Variants in CDH18 observed in about 807,000 individuals in gnomAD.
CDH18 encodes the protein cadherin-18.
Under a neutral mutation model 67.9 loss-of-function variants are expected in CDH18, and 31 were observed. The ratio of observed to expected loss-of-function variants is 0.46; its 90% CI spans 0.34 to 0.62. The LOEUF (loss-of-function observed/expected upper bound fraction) is 0.62. CDH18 is among the 20% of genes least tolerant of loss of function. The pLI, the probability that CDH18 is intolerant of heterozygous loss-of-function variation, is 0.01. For synonymous variants in CDH18, 362 were observed against 347.2 expected (o/e 1.04, Z -0.48); for missense variants, 890 against 975.5 (o/e 0.91, Z 1.17).
At chr5:20,011,223 G>T (rs1737410802) in intron 2 of CDH18, among the ~76,000 whole-genome samples, 1 of 152,112 alleles carries the variant, frequency 6.6e-6, no homozygotes, top group Non-Finnish European at 1.5e-5. Context: ...TGGCAATTGT[G>T]AATGGGAATT....
chr5:20,337,154 CTGTGG>C (rs1739852650), intron 1 of CDH18, among the ~76,000 whole-genome samples: 1 of 152,202 alleles, frequency 6.6e-6, no homozygotes. Context: ...GCTATTCACT[CTGTGG>C]TGTCTGTGTG....
intron 7 of CDH18, among the ~76,000 whole-genome samples, chr5:19,573,132 A>C (rs1219677016): frequency 6.6e-6 from 1 of 152,224 alleles, no homozygotes; most frequent in African/African-American, 2.4e-5. Context: ...TTGATCATAT[A>C]TACAATACAC....
At chr5:20,331,006 A>G (rs76195204) in intron 1 of CDH18, among the ~76,000 whole-genome samples, 2,133 of 152,332 alleles carry the variant, frequency 0.014, 53 homozygotes, top group African/African-American at 0.048. Flanking sequence ...CTGGTAACAC[A>G]TTCAGAAGTG....
intron 2 of CDH18, among the ~76,000 whole-genome samples, chr5:19,884,827 C>A (rs1788030339): frequency 6.6e-6 from 1 of 152,008 alleles, no homozygotes; most frequent in South Asian, 2.1e-4. Flanking sequence ...AACAGTCACT[C>A]TTTCTCTTTC....
intron 2 of CDH18, among the ~76,000 whole-genome samples, chr5:20,200,884 T>A (rs1739396510): frequency 6.6e-6 from 1 of 152,126 alleles, no homozygotes; most frequent in South Asian, 2.1e-4. Context: ...AAGAAATTAC[T>A]AATGGTTACA....
rs148787008 is a variant in CDH18, at chr5:20,391,339, C to G, written c.-579-135834G>C. Among the ~76,000 whole-genome samples the G allele has an allele frequency of 9.7e-4, 147 of 151,890 alleles. 2 individuals are homozygous for G. The East Asian group carries it at 0.017, about 18-fold the overall frequency. ...AAATCCTGCATCAGTAGACTCTGAA[C>G]TTATTGCATGGTCTTTATCTAAAAA... On this transcript the variant is annotated intron_variant, in intron 1 of 14. Transcript: ENST00000507958.
At chr5:19,711,646 A>G (rs977928259) in intron 5 of CDH18, among the ~76,000 whole-genome samples, 1 of 120,212 alleles carries the variant, frequency 8.3e-6, no homozygotes, top group African/African-American at 2.8e-5. Context: ...CTGTTAGTAT[A>G]AAGTAAAAAA....
Position 20,481,940 on chromosome 5 carries a change from G to C in CDH18, c.-580+93522C>G, listed in dbSNP as rs1481300258. On this transcript the variant is annotated intron_variant, in intron 1 of 14. Transcript: ENST00000507958. ...AAACCCAAAATTAGTAGAAAAAAAG[G>C]AATAATAAATATCAGAGAAGAAATA... Among the ~76,000 whole-genome samples the C allele has an allele frequency of 2.0e-5, 3 of 150,700 alleles. No homozygotes were observed. The South Asian group carries it at 6.3e-4, about 32-fold the overall frequency.
At chr5:20,131,865 C>A (rs72743031) in intron 2 of CDH18, among the ~76,000 whole-genome samples, 3 of 151,928 alleles carry the variant, frequency 2.0e-5, no homozygotes, top group Non-Finnish European at 4.4e-5. Flanking sequence ...TATAGCTTTA[C>A]AATAAAGTGT....
intron 1 of CDH18, among the ~76,000 whole-genome samples, chr5:20,529,117 T>C (rs1182304188): frequency 1.3e-5 from 2 of 151,900 alleles, no homozygotes; most frequent in African/African-American, 4.8e-5. Flanking sequence ...AATAAACACC[T>C]CTATGCAAAT....
At chr5:19,676,612 T>C (rs1480016833) in intron 5 of CDH18, among the ~76,000 whole-genome samples, 2 of 151,998 alleles carry the variant, frequency 1.3e-5, no homozygotes, top group Admixed American at 6.6e-5. Flanking sequence ...TCTCAGGTAA[T>C]GGTCTCATGA....
chr5:20,378,951 AG>A (rs1743684672), intron 1 of CDH18, among the ~76,000 whole-genome samples: 1 of 152,174 alleles, frequency 6.6e-6, no homozygotes, highest in Non-Finnish European at 1.5e-5. Flanking sequence ...TGACCCACTA[AG>A]AACCTTCTGG....
At chr5:19,688,804 A>T (rs1262361501) in intron 5 of CDH18, among the ~76,000 whole-genome samples, 1 of 152,102 alleles carries the variant, frequency 6.6e-6, no homozygotes, top group Non-Finnish European at 1.5e-5. Context: ...AAACTTATTC[A>T]TGTCCTACGT....
At chr5:19,670,311 C>G (rs1457184706) in intron 5 of CDH18, among the ~76,000 whole-genome samples, 1 of 151,856 alleles carries the variant, frequency 6.6e-6, no homozygotes, top group Non-Finnish European at 1.5e-5. Context: ...TATGAAAATT[C>G]TAAGCAACAG....
chr5:19,503,065 A>C lies in CDH18; in HGVS notation c.1557T>G (p.Asn519Lys). ...CAAGAAAGAAGTTAAACCTTGGTCCATTGGCAAAATCATCTTTATCAGTGG... is the reference window on the plus strand; with the variant it reads ...CAAGAAAGAAGTTAAACCTTGGTCCCTTGGCAAAATCATCTTTATCAGTGG... ...ISATDKDDFA[N>K]GPRFNFFLDE... Residue 519 changes from asparagine to lysine, a missense_variant, in exon 11 of 13, where the codon AAT becomes AAG. Transcript: ENST00000382275. 1.2e-6 allele frequency: 2 copies of C among 1,612,176 alleles called. No homozygotes were observed. Among genetic ancestry groups the C allele is most frequent in the Non-Finnish European group, 1.7e-6 (2 of 1,178,366 alleles).
intron 1 of CDH18, among the ~76,000 whole-genome samples, chr5:20,330,444 G>A (rs1164740071): frequency 6.6e-6 from 1 of 152,100 alleles, no homozygotes; most frequent in Non-Finnish European, 1.5e-5. Flanking sequence ...CTGGTGCCAG[G>A]GAAAGGCGGT....
At chr5:20,226,783 A>C (rs1401390709) in intron 2 of CDH18, among the ~76,000 whole-genome samples, 1 of 152,096 alleles carries the variant, frequency 6.6e-6, no homozygotes, top group Non-Finnish European at 1.5e-5. Flanking sequence ...TACTCAAGCC[A>C]CTGGAAATAT....
intron 5 of CDH18, among the ~76,000 whole-genome samples, chr5:19,620,020 A>G (rs1750447981): frequency 6.6e-6 from 1 of 152,216 alleles, no homozygotes; most frequent in Non-Finnish European, 1.5e-5. Context: ...AAGAAATTAT[A>G]TGAGACACTG....
chr5:19,746,095 C>A (rs116182656), intron 4 of CDH18, among the ~76,000 whole-genome samples: 2 of 151,806 alleles, frequency 1.3e-5, no homozygotes, highest in Non-Finnish European at 2.9e-5. Flanking sequence ...TAAAGATAGT[C>A]GAAAAGTATT....
Sources: gnomAD v4.1 joint callset for allele counts (sites outside exome capture counted in the v4.1 genomes callset) on GRCh38, gnomAD v4.1.1 for gene constraint, MANE v1.5 for transcripts, NCBI Gene and HGNC (gene_info 2026-07-23, HGNC 2026-07-21) for gene names.